The following SOX5 variants were observed in gnomAD, a reference collection of about 807,000 sequenced individuals.
SOX5 encodes SRY-box transcription factor 5.
A neutral mutation model predicts 92.0 loss-of-function variants in SOX5; 9 were observed. That is an observed-to-expected ratio of 0.10 (90% CI 0.06 to 0.17). SOX5 has a LOEUF of 0.17. SOX5 is among the 10% of genes least tolerant of loss of function. The probability of loss-of-function intolerance (pLI) is 1.00; values close to 1 mark genes in which losing one functional copy is unlikely to be tolerated. For synonymous variants in SOX5, 344 were observed against 336.3 expected, an observed-to-expected ratio of 1.02 and a Z score of -0.25; for missense variants, 642 against 944.5, an observed-to-expected ratio of 0.68 and a Z score of 4.20.
At chr12:23,997,030 C>A (rs1951095266) in intron 4 of SOX5, among the ~76,000 whole-genome samples, 1 of 152,140 alleles carries the variant, frequency 6.6e-6, no homozygotes, top group Non-Finnish European at 1.5e-5. Flanking sequence ...ACATGAAGCA[C>A]TCAGCATATT....
At chr12:23,862,933 C>A (rs2096771738) in intron 2 of SOX5, among the ~76,000 whole-genome samples, 2 of 152,144 alleles carry the variant, frequency 1.3e-5, no homozygotes, top group Admixed American at 6.5e-5. Flanking sequence ...AAGTGAATAA[C>A]AGCTTTGTGC....
chr12:23,616,044 T>A (rs1446291937), intron 8 of SOX5, among the ~76,000 whole-genome samples: 2 of 152,202 alleles, frequency 1.3e-5, no homozygotes, highest in South Asian at 4.1e-4. Flanking sequence ...ATTCTTTAAT[T>A]TTCAAAAATC....
At chr12:23,962,562 G>T (rs1193428984) in intron 4 of SOX5, among the ~76,000 whole-genome samples, 1 of 152,112 alleles carries the variant, frequency 6.6e-6, no homozygotes, top group African/African-American at 2.4e-5. Flanking sequence ...AAAAAATAAT[G>T]GACTAGCCTC....
At chr12:23,917,046 A>G (rs2097424286) in intron 1 of SOX5, among the ~76,000 whole-genome samples, 1 of 152,230 alleles carries the variant, frequency 6.6e-6, no homozygotes, top group African/African-American at 2.4e-5. Context: ...TTTAGAGGAC[A>G]GAACCTGAAC....
intron 5 of SOX5, among the ~76,000 whole-genome samples, chr12:23,740,185 T>A (rs367919379): frequency 6.6e-6 from 1 of 152,216 alleles, no homozygotes; most frequent in South Asian, 2.1e-4. Context: ...ACTGGACAAC[T>A]TGACAGGAAC....
chr12:24,296,910 T>C (rs1947324191), intron 2 of SOX5, among the ~76,000 whole-genome samples: 1 of 137,134 alleles, frequency 7.3e-6, no homozygotes, highest in African/African-American at 2.7e-5. Context: ...AGACCCCACA[T>C]GGCCCTACAT....
intron 8 of SOX5, among the ~76,000 whole-genome samples, chr12:23,626,518 G>A (rs765407749): frequency 2.4e-4 from 37 of 151,924 alleles, no homozygotes; most frequent in African/African-American, 4.1e-4. Context: ...CATTTCTTTC[G>A]AATGCCTCAA....
chr12:23,612,910 A>G (rs2076136256), intron 8 of SOX5, among the ~76,000 whole-genome samples: 1 of 152,210 alleles, frequency 6.6e-6, no homozygotes, highest in Non-Finnish European at 1.5e-5. Flanking sequence ...TGTGGAGTTT[A>G]AAGAGAAACT....
intron 4 of SOX5, among the ~76,000 whole-genome samples, chr12:24,205,526 T>C (rs1275936272): frequency 6.6e-6 from 1 of 151,838 alleles, no homozygotes; most frequent in Non-Finnish European, 1.5e-5. Flanking sequence ...TAAAAGGGAG[T>C]TGAGTGGAAT....
chr12:23,672,961 T>A (rs1310558420), intron 6 of SOX5, among the ~76,000 whole-genome samples: 1 of 152,142 alleles, frequency 6.6e-6, no homozygotes, highest in African/African-American at 2.4e-5. Flanking sequence ...TACATTAAAT[T>A]CATATCAAAT....
intron 4 of SOX5, among the ~76,000 whole-genome samples, chr12:24,004,996 G>C (rs961264267): frequency 8.6e-5 from 13 of 152,010 alleles, no homozygotes; most frequent in Non-Finnish European, 8.8e-5. Context: ...TACCCTAAGC[G>C]AAAGAAGGCA....
chr12:23,907,023 C>A lies in SOX5; in HGVS notation c.39-10999G>T, dbSNP rs369632345. On this transcript the variant is annotated intron_variant, in intron 1 of 14. Transcript: ENST00000451604. ...TATCTTTAAAAATTATCTGCAGAAT[C>A]CCTGCTACAGGGACAATCTTTTCTG... Among the ~76,000 whole-genome samples, 8 of 151,998 alleles carry A rather than the reference C, an allele frequency of 5.3e-5. No homozygotes were observed. In the Middle Eastern group the frequency reaches 0.014, roughly 262 times the overall value.
intron 6 of SOX5, among the ~76,000 whole-genome samples, chr12:23,704,032 AG>A (rs1230393245): frequency 6.6e-6 from 1 of 151,992 alleles, no homozygotes; most frequent in African/African-American, 2.4e-5. Context: ...TCTAAAAGTC[AG>A]TCTTAGATAA....
In SOX5 at chr12:23,776,063, C is replaced by A. The variant is rs1011964299; in HGVS notation, c.482-20339G>T. On this transcript the variant is annotated intron_variant, in intron 3 of 14. Transcript: ENST00000451604. ...AATTAAACTGCTTATAATTCTTTCA[C>A]TGAATTAAGTAATGCTAATAAATAT... 9.2e-5 allele frequency among the ~76,000 whole-genome samples: 14 copies of A among 152,244 alleles called. No homozygotes were observed. In the South Asian group the frequency reaches 1.9e-3, roughly 20 times the overall value.
At chr12:23,719,804 A>AAAAAC (rs1555289224) in intron 6 of SOX5, among the ~76,000 whole-genome samples, 6 of 150,458 alleles carry the variant, frequency 4.0e-5, no homozygotes, top group African/African-American at 1.5e-4. Flanking sequence ...AAAAAAAAAA[A>AAAAAC]AAAAAAACTG....
chr12:24,030,071 T>C (rs1166620259), intron 4 of SOX5, among the ~76,000 whole-genome samples: 2 of 151,912 alleles, frequency 1.3e-5, no homozygotes, highest in Non-Finnish European at 2.9e-5. Context: ...AGTCACAAGC[T>C]CAATTACATA....
At chr12:24,283,212 A>G (rs1945428687) in intron 2 of SOX5, among the ~76,000 whole-genome samples, 1 of 152,232 alleles carries the variant, frequency 6.6e-6, no homozygotes, top group East Asian at 1.9e-4. Context: ...AAAAATAAAT[A>G]TATAAAGTAT....
chr12:24,229,039 C>A lies in SOX5; in HGVS notation c.-76-15622G>T, dbSNP rs539910906. Reference sequence around the variant, plus strand: ...CCCCAATTTCTCGTTTTAAAACTTACAACAATCCATATCCCCACTTTGGCA... The same window carrying A: ...CCCCAATTTCTCGTTTTAAAACTTAAAACAATCCATATCCCCACTTTGGCA... On this transcript the variant is annotated intron_variant, in intron 3 of 4. Transcript: ENST00000446891. 2.0e-5 allele frequency among the ~76,000 whole-genome samples: 3 copies of A among 152,322 alleles called. 1 individual carries two copies. The highest frequency in any genetic ancestry group is 1.9e-4 in the East Asian group (1 of 5,178).
intron 4 of SOX5, among the ~76,000 whole-genome samples, chr12:24,144,862 G>A (rs563054433): frequency 1.3e-5 from 2 of 151,718 alleles, no homozygotes; most frequent in Admixed American, 1.3e-4. Flanking sequence ...AAGGCTACAA[G>A]GGGAAAAATG....
Sources: allele counts gnomAD v4.1 joint callset (sites outside exome capture counted in the v4.1 genomes callset), GRCh38; gene constraint gnomAD v4.1.1; transcripts MANE v1.5; gene names NCBI Gene and HGNC (gene_info 2026-07-23, HGNC 2026-07-21).